MFSD8: variants seen among roughly 807,000 people sequenced by gnomAD.
MFSD8 encodes major facilitator superfamily domain containing 8.
A neutral mutation model predicts 66.4 loss-of-function variants in MFSD8; 55 were observed. The observed-to-expected ratio is 0.83, with a 90% CI of 0.67 to 1.04. The LOEUF is 1.04. MFSD8 is among the 50% of genes least tolerant of loss of function. The pLI is 0.00. For synonymous variants in MFSD8, 202 were observed against 212.8 expected (o/e 0.95, Z 0.44); for missense variants, 550 against 627.6 (o/e 0.88, Z 1.32).
At chr4:127,956,988 CT>C (rs1743001163) in intron 2 of MFSD8, among the ~76,000 whole-genome samples, 1 of 151,968 alleles carries the variant, frequency 6.6e-6, no homozygotes, top group Non-Finnish European at 1.5e-5. Context: ...AACTGTTAGT[CT>C]TTCTTTTGTC....
At chr4:127,937,471 C>T (rs1739275429) in intron 7 of MFSD8, among the ~76,000 whole-genome samples, 3 of 152,196 alleles carry the variant, frequency 2.0e-5, no homozygotes. Context: ...CTTCTCCATT[C>T]TCAGTCACTG....
chr4:127,928,668 T>C (rs1482849303), intron 9 of MFSD8, among the ~76,000 whole-genome samples: 4 of 152,118 alleles, frequency 2.6e-5, no homozygotes, highest in African/African-American at 7.2e-5. Flanking sequence ...AAAACCACTA[T>C]GGAAAACAGT....
chr4:127,948,346 G>A (rs752957125), intron 3 of MFSD8, among the ~76,000 whole-genome samples: 19 of 152,150 alleles, frequency 1.2e-4, no homozygotes, highest in Non-Finnish European at 2.5e-4. Flanking sequence ...TACGATCTCA[G>A]GGGTGGGGTG....
rs1049877493 is a variant in MFSD8 at position 127,919,385 on chromosome 4, T to C, written c.*1245A>G. ...GTGTTTATTCTCAGATTTGAAACTATTTCTAACTTAAAGTAGAAAACATTT... is the reference window on the plus strand; with the variant it reads ...GTGTTTATTCTCAGATTTGAAACTACTTCTAACTTAAAGTAGAAAACATTT... On this transcript the variant is annotated 3_prime_UTR_variant, in exon 12 of 12. Coordinates refer to ENST00000641686, the MANE Select transcript of MFSD8 (RefSeq NM_001371596.2). The C allele has an allele frequency of 6.6e-6, 1 of 152,188 alleles. No individual in the cohort carries two copies. The highest frequency in any genetic ancestry group is 6.6e-5 in the Admixed American group (1 of 15,264). The allele number at this position is 152,188 out of a possible 1,614,324, so 9.4% of individuals were successfully genotyped here.
At chr4:127,938,496 T>G (rs935385169) in intron 7 of MFSD8, among the ~76,000 whole-genome samples, 12 of 150,768 alleles carry the variant, frequency 8.0e-5, no homozygotes, top group African/African-American at 2.9e-4. Flanking sequence ...GGCAGGAGGA[T>G]GGCATGAACC....
chr4:127,922,617 CCT>C (rs1347870384), intron 9 of MFSD8, among the ~76,000 whole-genome samples: 1 of 150,948 alleles, frequency 6.6e-6, no homozygotes, highest in African/African-American at 2.4e-5. Context: ...AGAGCAAGAC[CCT>C]GTCGCCAAAA....
At chr4:127,935,386 G>C (rs1738893587) in intron 7 of MFSD8, among the ~76,000 whole-genome samples, 1 of 152,126 alleles carries the variant, frequency 6.6e-6, no homozygotes, top group African/African-American at 2.4e-5. Flanking sequence ...CAGAAATGTT[G>C]CATCCTAGAC....
intron 1 of MFSD8, among the ~76,000 whole-genome samples, chr4:127,961,726 CAGA>C (rs1458431843): frequency 6.9e-6 from 1 of 145,500 alleles, no homozygotes; most frequent in Admixed American, 7.4e-5. Flanking sequence ...GAGGCTGAGG[CAGA>C]AGAATGGCGT....
intron 2 of MFSD8, among the ~76,000 whole-genome samples, chr4:127,950,939 TA>T (rs1437500896): frequency 6.6e-6 from 1 of 151,146 alleles, no homozygotes; most frequent in African/African-American, 2.4e-5. Context: ...CGCATGCCTG[TA>T]ATCCCAGCCA....
intron 1 of MFSD8, among the ~76,000 whole-genome samples, chr4:127,958,923 T>C (rs1285029919): frequency 6.6e-6 from 1 of 152,192 alleles, no homozygotes; most frequent in African/African-American, 2.4e-5. Flanking sequence ...AATGGAAGGA[T>C]CATCAATGGA....
upstream of MFSD8, chr4:127,965,225 G>C (rs1156384344): frequency 6.7e-7 from 1 of 1,498,206 alleles, no homozygotes; most frequent in Admixed American, 1.8e-5. Context: ...AAACAAGCCT[G>C]TAAGTGCGCG....
At chr4:127,953,874 T>A (rs1373850703) in intron 2 of MFSD8, among the ~76,000 whole-genome samples, 1 of 152,218 alleles carries the variant, frequency 6.6e-6, no homozygotes, top group Non-Finnish European at 1.5e-5. Flanking sequence ...ACTTTTCTTT[T>A]TACCCAGTAC....
At chr4:127,957,399 C>A in intron 2 of MFSD8, 102 bp downstream of exon 2, 1 of 879,670 alleles carries the variant, frequency 1.1e-6, no homozygotes, top group Admixed American at 2.0e-5. Context: ...TTTTTTAGCA[C>A]AATAAAGATA....
intron 1 of MFSD8, 163 bp downstream of exon 1, chr4:127,964,909 G>T: frequency 3.6e-6 from 3 of 822,570 alleles, no homozygotes; most frequent in Non-Finnish European, 6.0e-6. Flanking sequence ...TTTCTCCTAC[G>T]TTGGGAGCGA....
In MFSD8 at chr4:127,938,601, AAAT is replaced by A. The variant is rs1371222144; in HGVS notation, c.754+179_754+181del. ...CTGTCTCAAAAAAAAAAAAATAAAT[AAAT>A]AAATAAATAAATAAATAAATAAATA... On this transcript the variant is annotated intron_variant, in intron 7 of 11. Coordinates refer to ENST00000641686, the MANE Select transcript of MFSD8 (RefSeq NM_001371596.2). 2.7e-4 allele frequency among the ~76,000 whole-genome samples: 32 copies of A among 119,326 alleles called. 1 individual carries two copies. Among genetic ancestry groups the A allele is most frequent in the African/African-American group, 1.3e-3 (29 of 22,850 alleles). 78.3% of individuals were successfully genotyped at this position (119,326 alleles called of 152,430 possible).
chr4:127,949,856 A>G lies in MFSD8; in HGVS notation c.155-9T>C. 1 of 1,606,840 alleles carries G rather than the reference A, an allele frequency of 6.2e-7. No homozygotes were observed. Among genetic ancestry groups the G allele is most frequent in the South Asian group, 1.1e-5 (1 of 89,660 alleles). On this transcript the variant is annotated splice_polypyrimidine_tract_variant and intron_variant, in intron 2 of 11. Transcript: ENST00000641686. ...CATCACTACAGAAAACCCTGTGAAG[A>G]AGCAAACTAGGTTATTTATACTTAT...
intron 2 of MFSD8, among the ~76,000 whole-genome samples, chr4:127,953,107 G>A (rs1373912503): frequency 1.3e-5 from 2 of 152,074 alleles, no homozygotes; most frequent in Non-Finnish European, 2.9e-5. Context: ...AAAGCCTCAT[G>A]GTCTAAGAGA....
At position 127,962,498 on chromosome 4, in the gene MFSD8, G is replaced by T. The variant is rs143858611; in HGVS notation, c.62+2574C>A. ...AAAGTATAGCAGTGTAGAATAAATTGGTATAGAAGCAACAGTCCCAAATGT... is the reference window on the plus strand; with the variant it reads ...AAAGTATAGCAGTGTAGAATAAATTTGTATAGAAGCAACAGTCCCAAATGT... On this transcript the variant is annotated intron_variant, in intron 1 of 11. Transcript: ENST00000641686. Among the ~76,000 whole-genome samples, 705 of 151,548 alleles carry T rather than the reference G, an allele frequency of 4.7e-3. 6 individuals carry two copies. Among genetic ancestry groups the T allele is most frequent in the African/African-American group, 0.016 (674 of 41,292 alleles).
chr4:127,920,648 A>C lies in MFSD8; in HGVS notation c.1539T>G (p.Tyr513Ter). 6.2e-7 allele frequency: 1 copy of C among 1,614,020 alleles called. No individual in the cohort carries two copies. The highest frequency in any genetic ancestry group is 8.5e-7 in the Non-Finnish European group (1 of 1,180,008). The stretch of plus-strand genomic sequence containing the variant: ...AGCTAGTTTATTCCTGAATCCTCCC[A>C]TATCTTACAGAAAGAGCAATGAGTC... ...YKRLIALSVR[Y>*]GRIQE The change falls in exon 12 of 12, where the codon TAT becomes TAG. Residue 513 changes from tyrosine to a stop codon, truncating the protein, a stop_gained. Transcript: ENST00000641686. LOFTEE classifies it high-confidence loss of function.
Sources: allele counts gnomAD v4.1 joint callset (sites outside exome capture counted in the v4.1 genomes callset), GRCh38; gene constraint gnomAD v4.1.1; transcripts MANE v1.5; gene names NCBI Gene and HGNC (gene_info 2026-07-23, HGNC 2026-07-21).